Variants in PREX2 observed in about 807,000 individuals in gnomAD.
PREX2 encodes phosphatidylinositol 3,4,5-trisphosphate-dependent Rac exchanger 2 protein.
In PREX2, 107 loss-of-function variants were observed where a neutral mutation model predicts 203.2. The observed-to-expected ratio is 0.53, with a 90% CI of 0.45 to 0.62. The LOEUF is 0.62. Among genes scored for constraint, PREX2 ranks in the 20% least tolerant of loss-of-function variants. The probability of loss-of-function intolerance (pLI) is 0.00; values close to 1 mark genes in which losing one functional copy is unlikely to be tolerated. For missense variants in PREX2, 1,777 were observed against 1,955.9 expected (o/e 0.91, Z 1.72); for synonymous variants, 672 against 663.6 (o/e 1.01, Z -0.19).
At chr8:68,174,886 G>C (rs1041827438) in intron 35 of PREX2, among the ~76,000 whole-genome samples, 3 of 152,172 alleles carry the variant, frequency 2.0e-5, no homozygotes, top group Non-Finnish European at 4.4e-5. Flanking sequence ...GGTCTTCCTA[G>C]CTCCTTCCAT....
At chr8:68,099,620 CTATGTGTGTGTCTG>C (rs1810199830) in intron 22 of PREX2, 48 bp from the exon 23 acceptor site, 4 of 1,447,760 alleles carry the variant, frequency 2.8e-6, no homozygotes, top group Non-Finnish European at 3.7e-6. Flanking sequence ...TTTTGTTTTT[CTATGTGTGTGTCTG>C]TATGTGTGTT....
chr8:68,200,800 A>T (rs2129614883), intron 37 of PREX2, among the ~76,000 whole-genome samples: 1 of 152,240 alleles, frequency 6.6e-6, no homozygotes, highest in Admixed American at 6.5e-5. Context: ...TATTGGCCAA[A>T]CAGGCCTTGC....
intron 15 of PREX2, among the ~76,000 whole-genome samples, chr8:68,079,121 G>A (rs987004173): frequency 2.0e-5 from 3 of 152,168 alleles, no homozygotes; most frequent in Admixed American, 6.5e-5. Context: ...AGGAGTTCGA[G>A]ACCAGCCTGG....
At chr8:67,976,188 T>A (rs74497059) in intron 1 of PREX2, among the ~76,000 whole-genome samples, 7,211 of 152,196 alleles carry the variant, frequency 0.047, 354 homozygotes, top group African/African-American at 0.13. Context: ...AAACTTGCAA[T>A]TGACCAATGT....
intron 35 of PREX2, among the ~76,000 whole-genome samples, chr8:68,179,621 A>G (rs945081375): frequency 9.9e-5 from 15 of 152,160 alleles, no homozygotes; most frequent in African/African-American, 3.6e-4. Flanking sequence ...TTGCCAGGCA[A>G]AGAAGGACAC....
intron 25 of PREX2, among the ~76,000 whole-genome samples, chr8:68,109,884 CA>C (rs1418736214): frequency 6.6e-6 from 1 of 152,072 alleles, no homozygotes; most frequent in African/African-American, 2.4e-5. Context: ...AAATGAGTCT[CA>C]GTGTAAAAAT....
At chr8:68,047,154 A>G (rs1009788784) in intron 8 of PREX2, among the ~76,000 whole-genome samples, 6 of 151,912 alleles carry the variant, frequency 3.9e-5, no homozygotes, top group African/African-American at 1.2e-4. Flanking sequence ...GTTTGGTTGC[A>G]CCCAGAAATG....
At chr8:68,231,022 A>G (rs1294542134) in intron 39 of PREX2, among the ~76,000 whole-genome samples, 3 of 152,198 alleles carry the variant, frequency 2.0e-5, no homozygotes, top group Admixed American at 6.5e-5. Flanking sequence ...GAATCCAGAG[A>G]GTAGGTTTTA....
chr8:68,087,646 G>A (rs1299422477), intron 18 of PREX2, 78 bp from the exon 19 acceptor site: 5 of 1,030,296 alleles, frequency 4.9e-6, no homozygotes, highest in Non-Finnish European at 7.7e-6. Flanking sequence ...ATTGAGAGGT[G>A]TAAAGCTGTA....
chr8:68,057,376 C>T (rs1431990213), intron 10 of PREX2, among the ~76,000 whole-genome samples: 1 of 152,020 alleles, frequency 6.6e-6, no homozygotes. Flanking sequence ...ACTAATACAC[C>T]CAGTCTCAGG....
intron 22 of PREX2, among the ~76,000 whole-genome samples, chr8:68,097,481 T>C (rs907433976): frequency 5.3e-5 from 8 of 152,106 alleles, no homozygotes; most frequent in African/African-American, 1.9e-4. Flanking sequence ...TGCACCACCA[T>C]GCCCAGCTAA....
At chr8:68,228,892 T>C (rs910007471) in intron 39 of PREX2, among the ~76,000 whole-genome samples, 2 of 144,850 alleles carry the variant, frequency 1.4e-5, no homozygotes, top group African/African-American at 2.6e-5. Flanking sequence ...CAGTGAGCTA[T>C]GGTTGTACCA....
At chr8:68,096,830 C>G (rs1810092125) in intron 21 of PREX2, among the ~76,000 whole-genome samples, 187 bp from the exon 22 acceptor site, 1 of 152,156 alleles carries the variant, frequency 6.6e-6, no homozygotes, top group African/African-American at 2.4e-5. Flanking sequence ...TTGGATCACT[C>G]AAGCATATGC....
intron 33 of PREX2, among the ~76,000 whole-genome samples, chr8:68,138,875 T>C (rs545402135): frequency 2.0e-5 from 3 of 152,262 alleles, no homozygotes; most frequent in Admixed American, 2.0e-4. Flanking sequence ...ATGAGTATCG[T>C]GTGTATTAGG....
intron 1 of PREX2, among the ~76,000 whole-genome samples, chr8:67,963,819 C>A (rs1048751049): frequency 6.6e-6 from 1 of 152,136 alleles, no homozygotes; most frequent in African/African-American, 2.4e-5. Context: ...GCTAGGAAAG[C>A]CATATGTAAT....
intron 23 of PREX2, among the ~76,000 whole-genome samples, chr8:68,102,514 T>A (rs981767428): frequency 1.3e-5 from 2 of 152,226 alleles, no homozygotes; most frequent in African/African-American, 2.4e-5. Flanking sequence ...CATGTAAGAT[T>A]AGCTCCATTT....
In PREX2 at chr8:68,192,519, T is replaced by C; in HGVS notation, c.4598T>C (p.Val1533Ala). Residue 1533 changes from valine (V) to alanine (A), a missense_variant, in exon 37 of 40, where the codon GTG becomes GCG. By Grantham distance (64) the Val-to-Ala change is moderately conservative. Transcript: ENST00000288368. ...ACHIIMCSSG[V>A]HRCTLSVTLE... ...CACATCATCATGTGCAGCAGCGGTG[T>C]GCATCGGTATGTGACCCTCCCGCCT... 6.2e-7 allele frequency: 1 copy of C among 1,609,062 alleles called. No individual in the cohort carries two copies. The highest frequency in any genetic ancestry group is 2.2e-5 in the East Asian group (1 of 44,782).
intron 10 of PREX2, among the ~76,000 whole-genome samples, chr8:68,058,090 C>T (rs1431965459): frequency 6.6e-6 from 1 of 152,226 alleles, no homozygotes; most frequent in African/African-American, 2.4e-5. Flanking sequence ...GAGATCATTT[C>T]TGAGTGGATC....
rs1437834644 is a variant in PREX2, at chr8:68,224,610, C to G, written c.4759C>G (p.Pro1587Ala). ...GAATTTGGGAGTCAGAGACCGGACT[C>G]CACAGTCTGCACCAAGGTAAGTGCA... ...AKNLGVRDRT[P>A]QSAPRLYKLC... is the part of the protein sequence containing the mutation. The change falls in exon 39 of 40, where the codon CCA becomes GCA. Residue 1587 changes from proline to alanine, a missense_variant. Transcript: ENST00000288368. 2 of 1,613,292 alleles carry G rather than the reference C, an allele frequency of 1.2e-6. No homozygotes were observed. Among genetic ancestry groups the G allele is most frequent in the African/African-American group, 1.3e-5 (1 of 74,804 alleles).
Sources: gnomAD v4.1 joint callset for allele counts (sites outside exome capture counted in the v4.1 genomes callset) on GRCh38, gnomAD v4.1.1 for gene constraint, MANE v1.5 for transcripts, NCBI Gene and HGNC (gene_info 2026-07-23, HGNC 2026-07-21) for gene names.